ADHFE1: variants seen among roughly 807,000 people sequenced by gnomAD.
ADHFE1 encodes the protein alcohol dehydrogenase iron containing 1.
ADHFE1 carries 37 observed loss-of-function variants against 54.8 expected under a neutral mutation model. The ratio of observed to expected loss-of-function variants is 0.68; its 90% CI spans 0.52 to 0.89. The LOEUF is 0.89. ADHFE1 is among the 40% of genes least tolerant of loss of function. ADHFE1 has a pLI of 0.00. For synonymous variants in ADHFE1, 203 were observed against 229.3 expected (o/e 0.89, Z 1.04); for missense variants, 601 against 591.2 (o/e 1.02, Z -0.17).
At chr8:66,449,324 TG>T (rs1405225382) in intron 8 of ADHFE1, among the ~76,000 whole-genome samples, 1 of 151,974 alleles carries the variant, frequency 6.6e-6, no homozygotes, top group East Asian at 1.9e-4. Context: ...CAGTTGGAGC[TG>T]GTGTGCAGCA....
intron 13 of ADHFE1, among the ~76,000 whole-genome samples, chr8:66,463,673 C>A (rs1233800957): frequency 2.0e-5 from 3 of 152,198 alleles, no homozygotes; most frequent in Non-Finnish European, 4.4e-5. Context: ...GAGTTTTACA[C>A]ATGCAATAGA....
At position 66,454,172 on chromosome 8, in the gene ADHFE1, G is replaced by A; in HGVS notation, c.986+15G>A. 1 of 1,612,302 alleles carries A rather than the reference G, an allele frequency of 6.2e-7. No individual in the cohort carries two copies. Among genetic ancestry groups the A allele is most frequent in the Non-Finnish European group, 8.5e-7 (1 of 1,179,332 alleles). On this transcript the variant is annotated intron_variant, in intron 10 of 13. Coordinates refer to ENST00000396623, the MANE Select transcript of ADHFE1 (RefSeq NM_144650.3). ...GTTCATCTGTGGTGAGCAAGTCTGA[G>A]ATTTCATTTCTTTACTCAAGCTATT...
intron 13 of ADHFE1, among the ~76,000 whole-genome samples, chr8:66,466,368 G>A (rs1301296962): frequency 6.6e-6 from 1 of 151,720 alleles, no homozygotes; most frequent in African/African-American, 2.4e-5. Flanking sequence ...CCACCGCACT[G>A]GACTCCCTGT....
chr8:66,447,373 ACCTTT>A (rs1563489864), intron 7 of ADHFE1, 32 bp downstream of exon 7: 1 of 1,476,218 alleles, frequency 6.8e-7, no homozygotes, highest in South Asian at 1.1e-5. Context: ...TATCTCCCTT[ACCTTT>A]CAACTCCACA....
In ADHFE1 at chr8:66,439,135, T is replaced by C. The variant is rs770890332; in HGVS notation, c.60-1027T>C. On this transcript the variant is annotated intron_variant, in intron 1 of 13. Coordinates refer to ENST00000396623, the MANE Select transcript of ADHFE1 (RefSeq NM_144650.3). The surrounding 1 kb of genome is among the most constrained non-coding windows in gnomAD (Gnocchi z 4.4). Reference sequence around the variant, plus strand: ...GCCAGCTCTCACTCGCCCCCGCGTCTGCTTTGACTTCGCAGTTCGAATTTT... The same window carrying C: ...GCCAGCTCTCACTCGCCCCCGCGTCCGCTTTGACTTCGCAGTTCGAATTTT... 43 of 961,570 alleles carry C rather than the reference T, an allele frequency of 4.5e-5. No homozygotes were observed. The highest frequency in any genetic ancestry group is 4.6e-5 in the Non-Finnish European group (37 of 808,372). The allele number at this position is 961,570 out of a possible 1,614,324, so 59.6% of individuals were successfully genotyped here. A position where few individuals can be genotyped will look rare whatever the true frequency, so the allele number is the denominator to read the frequency against.
Position 66,452,096 on chromosome 8 carries a change from A to G in ADHFE1, c.878A>G (p.Tyr293Cys), listed in dbSNP as rs754602849. The G allele has an allele frequency of 1.2e-6, 2 of 1,614,024 alleles. No homozygotes were observed. The highest frequency in any genetic ancestry group is 1.7e-6 in the Non-Finnish European group (2 of 1,180,034). ...CACGCGCTGCGGATCGTGGCTAAGTATCTGAAGAGGTATGTCACCCCGAAG... is the reference window on the plus strand; with the variant it reads ...CACGCGCTGCGGATCGTGGCTAAGTGTCTGAAGAGGTATGTCACCCCGAAG... ...AIHALRIVAK[Y>C]LKRAVRNPDD... Residue 293 changes from tyrosine to cysteine, a missense_variant, in exon 9 of 14, where the codon TAT (tyrosine) becomes TGT (cysteine). Coordinates refer to ENST00000396623, the MANE Select transcript of ADHFE1 (RefSeq NM_144650.3).
At chr8:66,461,530 A>C (rs1188053077) in intron 13 of ADHFE1, among the ~76,000 whole-genome samples, 2 of 152,078 alleles carry the variant, frequency 1.3e-5, no homozygotes, top group African/African-American at 4.8e-5. Context: ...ATATTTATAT[A>C]GATTGTGTTC....
chr8:66,442,964 T>C (rs1563487922), intron 3 of ADHFE1, 120 bp downstream of exon 3: 1 of 877,760 alleles, frequency 1.1e-6, no homozygotes, highest in South Asian at 1.9e-5. Context: ...TTCCATAATC[T>C]CTATTTGATC....
chr8:66,441,268 C>T (rs886902786), intron 2 of ADHFE1, among the ~76,000 whole-genome samples: 4 of 152,030 alleles, frequency 2.6e-5, no homozygotes, highest in African/African-American at 9.7e-5. Context: ...ACAGGGTCAC[C>T]CTCTGTCACC....
chr8:66,457,837 T>C (rs2130459056), intron 12 of ADHFE1, among the ~76,000 whole-genome samples: 1 of 152,316 alleles, frequency 6.6e-6, no homozygotes, highest in Admixed American at 6.5e-5. Flanking sequence ...ATATTTTTAA[T>C]GTTATAAATG....
At chr8:66,457,930 G>A (rs936907671) in intron 12 of ADHFE1, among the ~76,000 whole-genome samples, 12 of 152,212 alleles carry the variant, frequency 7.9e-5, no homozygotes, top group African/African-American at 2.9e-4. Flanking sequence ...AAAACAACTG[G>A]AAACTTTTTT....
At chr8:66,458,712 A>G (rs1047515983) in intron 12 of ADHFE1, among the ~76,000 whole-genome samples, 2 of 152,204 alleles carry the variant, frequency 1.3e-5, no homozygotes, top group African/African-American at 4.8e-5. Flanking sequence ...TTTTAATGTT[A>G]TCTACACTTA....
At chr8:66,443,650 A>G (rs1356664400) in intron 3 of ADHFE1, among the ~76,000 whole-genome samples, 1 of 147,994 alleles carries the variant, frequency 6.8e-6, no homozygotes, top group Admixed American at 6.7e-5. Context: ...GGGTGATGCC[A>G]TGGTGAGCTC....
chr8:66,453,664 C>CCAGCGCTGGCT, intron 9 of ADHFE1: 2 of 1,361,464 alleles, frequency 1.5e-6, no homozygotes, highest in Non-Finnish European at 9.8e-7. Flanking sequence ...GAGCGCTGGC[C>CCAGCGCTGGCT]GGCAGGTAGC....
intron 9 of ADHFE1, chr8:66,453,791 C>T: frequency 7.0e-7 from 1 of 1,424,684 alleles, no homozygotes; most frequent in Non-Finnish European, 9.4e-7. Context: ...ATCCAGGGAC[C>T]AGCGCGTTGC....
intron 4 of ADHFE1, 69 bp downstream of exon 4, chr8:66,444,489 A>T: frequency 6.2e-7 from 1 of 1,606,554 alleles, no homozygotes; most frequent in South Asian, 1.1e-5. Context: ...ATGCTAAATG[A>T]CAACAATCAC....
chr8:66,443,045 A>G (rs866564905), intron 3 of ADHFE1, among the ~76,000 whole-genome samples: 1 of 152,214 alleles, frequency 6.6e-6, no homozygotes, highest in Non-Finnish European at 1.5e-5. Context: ...GCTAATGTCT[A>G]GAGTGCTGTC....
chr8:66,443,787 A>T (rs1475645611), intron 3 of ADHFE1, among the ~76,000 whole-genome samples: 6 of 152,066 alleles, frequency 3.9e-5, no homozygotes, highest in Non-Finnish European at 7.4e-5. Context: ...GTCTTATTAA[A>T]TTTTTTATCC....
At chr8:66,458,300 C>T (rs943430371) in intron 12 of ADHFE1, among the ~76,000 whole-genome samples, 8 of 152,134 alleles carry the variant, frequency 5.3e-5, no homozygotes, top group East Asian at 1.9e-4. Context: ...TAGGAAGGAC[C>T]GCAGACATCC....
Sources: gnomAD v4.1 joint callset for allele counts (sites outside exome capture counted in the v4.1 genomes callset) on GRCh38, gnomAD v4.1.1 for gene constraint, Gnocchi (gnomAD v3.1) non-coding constraint, MANE v1.5 for transcripts, NCBI Gene and HGNC (gene_info 2026-07-23, HGNC 2026-07-21) for gene names.